HS6ST3: variants seen among roughly 807,000 people sequenced by gnomAD.
HS6ST3 encodes the protein heparan sulfate 6-O-sulfotransferase 3, also known as heparan-sulfate 6-O-sulfotransferase 3.
In HS6ST3, 12 loss-of-function variants were observed where a neutral mutation model predicts 36.7. The observed-to-expected ratio is 0.33, with a 90% CI of 0.21 to 0.53. HS6ST3 has a LOEUF of 0.53. HS6ST3 is among the 20% of genes least tolerant of loss of function. HS6ST3 has a pLI of 0.95. For missense variants in HS6ST3, 584 were observed against 640.9 expected (o/e 0.91, Z 0.96); for synonymous variants, 240 against 257.5 (o/e 0.93, Z 0.65).
At chr13:96,460,059 G>A (rs2055776275) in intron 1 of HS6ST3, among the ~76,000 whole-genome samples, 1 of 152,096 alleles carries the variant, frequency 6.6e-6, no homozygotes, top group South Asian at 2.1e-4. Context: ...ATTAAAGGCA[G>A]GCATTTTATT....
intron 1 of HS6ST3, among the ~76,000 whole-genome samples, chr13:96,412,446 A>G (rs1308088427): frequency 1.3e-5 from 2 of 152,192 alleles, no homozygotes; most frequent in African/African-American, 4.8e-5. Flanking sequence ...TTGTAAAGAA[A>G]AGAGGATGGG....
At chr13:96,806,062 T>C (rs1439118319) in intron 1 of HS6ST3, among the ~76,000 whole-genome samples, 1 of 152,204 alleles carries the variant, frequency 6.6e-6, no homozygotes. Flanking sequence ...TTATGCACCC[T>C]AACAAATCCT....
intron 1 of HS6ST3, among the ~76,000 whole-genome samples, chr13:96,478,970 A>G (rs1233960840): frequency 6.6e-6 from 1 of 152,190 alleles, no homozygotes; most frequent in East Asian, 1.9e-4. Context: ...CATTGGATCC[A>G]AGCATTCTTT....
At chr13:96,242,654 A>G (rs1274506402) in intron 1 of HS6ST3, among the ~76,000 whole-genome samples, 5 of 151,900 alleles carry the variant, frequency 3.3e-5, no homozygotes, top group African/African-American at 1.2e-4. Context: ...TTCTTTTTTA[A>G]GGTTGAATCA....
At chr13:96,262,558 AAAGT>A (rs2139383886) in intron 1 of HS6ST3, among the ~76,000 whole-genome samples, 1 of 152,346 alleles carries the variant, frequency 6.6e-6, no homozygotes, top group East Asian at 1.9e-4. Flanking sequence ...AAAAAATACA[AAAGT>A]AAGATTATCT....
At chr13:96,545,975 G>C (rs1044603315) in intron 1 of HS6ST3, among the ~76,000 whole-genome samples, 8 of 152,130 alleles carry the variant, frequency 5.3e-5, no homozygotes, top group African/African-American at 1.9e-4. Flanking sequence ...CTGGCACATA[G>C]TGGGCACTCA....
At chr13:96,540,990 A>G (rs1486319907) in intron 1 of HS6ST3, among the ~76,000 whole-genome samples, 1 of 152,192 alleles carries the variant, frequency 6.6e-6, no homozygotes, top group East Asian at 1.9e-4. Flanking sequence ...CAAAAATCTT[A>G]GAGCTGGGAA....
intron 1 of HS6ST3, among the ~76,000 whole-genome samples, chr13:96,272,619 A>T (rs777479092): frequency 2.6e-5 from 4 of 152,036 alleles, no homozygotes; most frequent in African/African-American, 4.8e-5. Context: ...AGTAAATTCT[A>T]TGTAAGGGAT....
intron 1 of HS6ST3, among the ~76,000 whole-genome samples, chr13:96,400,645 A>G (rs765999849): frequency 2.0e-5 from 3 of 152,164 alleles, no homozygotes; most frequent in Non-Finnish European, 2.9e-5. Context: ...ATGAAGCCAC[A>G]GGAGAGGAGT....
chr13:96,090,683 G>C lies in HS6ST3; in HGVS notation c.-180G>C, dbSNP rs1296029656. Among the ~76,000 whole-genome samples, 1 of 147,682 alleles carries C rather than the reference G, an allele frequency of 6.8e-6. No individual in the cohort carries two copies. The highest frequency in any genetic ancestry group is 2.4e-5 in the African/African-American group (1 of 40,846). On this transcript the variant is annotated 5_prime_UTR_variant, in exon 1 of 2. Coordinates refer to ENST00000376705, the MANE Select transcript of HS6ST3 (RefSeq NM_153456.4). ...CTCCCCCGCCCGGCTCGCAGGCCCC[G>C]GCTCCTCAAGCCCCGAGGGCCGCGG... is the stretch of plus-strand genomic sequence containing the variant.
intron 1 of HS6ST3, among the ~76,000 whole-genome samples, chr13:96,255,675 A>G (rs931312821): frequency 1.3e-5 from 2 of 152,188 alleles, no homozygotes; most frequent in African/African-American, 4.8e-5. Flanking sequence ...CAACTTCCAT[A>G]TAAAACTTGC....
intron 1 of HS6ST3, among the ~76,000 whole-genome samples, chr13:96,725,706 A>G (rs950415499): frequency 3.3e-5 from 5 of 151,932 alleles, no homozygotes; most frequent in African/African-American, 4.8e-5. Context: ...GTGTGAATCT[A>G]TCTATCTATT....
At chr13:96,107,787 T>C (rs2053848525) in intron 1 of HS6ST3, among the ~76,000 whole-genome samples, 1 of 152,188 alleles carries the variant, frequency 6.6e-6, no homozygotes, top group South Asian at 2.1e-4. Flanking sequence ...TGAACATAAA[T>C]TATGAAGATT....
chr13:96,195,106 C>T (rs2054305915), intron 1 of HS6ST3, among the ~76,000 whole-genome samples: 2 of 152,176 alleles, frequency 1.3e-5, no homozygotes, highest in African/African-American at 4.8e-5. Flanking sequence ...ATGATGCTTT[C>T]ACTGTTACTA....
At chr13:96,205,357 C>G (rs114683567) in intron 1 of HS6ST3, among the ~76,000 whole-genome samples, 1,753 of 152,104 alleles carry the variant, frequency 0.012, 36 homozygotes, top group African/African-American at 0.041. Context: ...CCAAAAAAAG[C>G]CCAGGATCAT....
intron 1 of HS6ST3, among the ~76,000 whole-genome samples, chr13:96,327,965 T>G (rs9556564): frequency 0.35 from 36,938 of 105,872 alleles, 6,969 homozygotes; most frequent in Middle Eastern, 0.47. Flanking sequence ...GTTCACTCAT[T>G]ATTTGGCTCT....
At chr13:96,196,672 C>G (rs1056942386) in intron 1 of HS6ST3, among the ~76,000 whole-genome samples, 6 of 152,162 alleles carry the variant, frequency 3.9e-5, no homozygotes, top group African/African-American at 1.2e-4. Context: ...GTGCAGAGCT[C>G]ACCTGCAGCA....
intron 1 of HS6ST3, among the ~76,000 whole-genome samples, chr13:96,139,411 G>A (rs978285360): frequency 6.6e-6 from 1 of 151,858 alleles, no homozygotes; most frequent in African/African-American, 2.4e-5. Flanking sequence ...CTACATCCCT[G>A]TTATAATGAA....
At chr13:96,380,282 CGA>C (rs1420669821) in intron 1 of HS6ST3, among the ~76,000 whole-genome samples, 6 of 109,768 alleles carry the variant, frequency 5.5e-5, no homozygotes, top group African/African-American at 2.1e-4. Flanking sequence ...TTTTTTTTTT[CGA>C]GATGGAGTCT....
Sources: allele counts gnomAD v4.1 joint callset (sites outside exome capture counted in the v4.1 genomes callset), GRCh38; gene constraint gnomAD v4.1.1; transcripts MANE v1.5; gene names NCBI Gene and HGNC (gene_info 2026-07-23, HGNC 2026-07-21).